Variants in GALNT18 observed in about 807,000 individuals in gnomAD.
The protein encoded by GALNT18 is GalNAc-transferase 18.
A neutral mutation model predicts 69.5 loss-of-function variants in GALNT18; 44 were observed. That is an observed-to-expected ratio of 0.63 (90% confidence interval 0.50 to 0.81). The LOEUF is 0.81. GALNT18 is among the 40% of genes least tolerant of loss of function. The pLI, the probability that GALNT18 is intolerant of heterozygous loss-of-function variation, is 0.00. For missense variants in GALNT18, 715 were observed against 810.0 expected, an observed-to-expected ratio of 0.88 and a Z score of 1.42; for synonymous variants, 364 against 318.2, an observed-to-expected ratio of 1.14 and a Z score of -1.53.
intron 3 of GALNT18, among the ~76,000 whole-genome samples, chr11:11,427,028 C>T (rs1365246890): frequency 6.6e-6 from 1 of 152,196 alleles, no homozygotes; most frequent in African/African-American, 2.4e-5. Context: ...GATCCTCCTG[C>T]CTTGGCCTAC....
rs891005232 is a variant in GALNT18, at chr11:11,603,309, C to T, written c.235+18050G>A. On this transcript the variant is annotated intron_variant, in intron 1 of 10. Coordinates refer to ENST00000227756, the MANE Select transcript of GALNT18 (RefSeq NM_198516.3). The surrounding 1 kb of genome is among the most constrained non-coding windows in gnomAD (Gnocchi z 4.5). ...AACACTGGCTCAGTTACCACCTCAGCGTTCAGAATCTAGAGAGTTTTCTAG... is the reference window on the plus strand; with the variant it reads ...AACACTGGCTCAGTTACCACCTCAGTGTTCAGAATCTAGAGAGTTTTCTAG... 5.9e-5 allele frequency among the ~76,000 whole-genome samples: 9 copies of T among 152,214 alleles called. No homozygotes were observed. Among genetic ancestry groups the T allele is most frequent in the Non-Finnish European group, 1.0e-4 (7 of 68,040 alleles).
chr11:11,427,984 C>G (rs1486095158), intron 3 of GALNT18, among the ~76,000 whole-genome samples: 1 of 152,198 alleles, frequency 6.6e-6, no homozygotes, highest in African/African-American at 2.4e-5. Context: ...GAAACCAAGT[C>G]CTAGAACATT....
At chr11:11,513,947 C>T (rs753467466) in intron 1 of GALNT18, among the ~76,000 whole-genome samples, 5 of 151,400 alleles carry the variant, frequency 3.3e-5, no homozygotes, top group Non-Finnish European at 7.4e-5. Context: ...GAAAATGGGG[C>T]AAACTACTGG....
At chr11:11,427,058 G>C (rs1855148572) in intron 3 of GALNT18, among the ~76,000 whole-genome samples, 1 of 152,208 alleles carries the variant, frequency 6.6e-6, no homozygotes, top group African/African-American at 2.4e-5. Context: ...GGGATTACAG[G>C]CATGAGCCAC....
In GALNT18 at chr11:11,347,576, G is replaced by A. The variant is rs1437769410; in HGVS notation, c.1093-6572C>T. On this transcript the variant is annotated intron_variant, in intron 6 of 10. Coordinates refer to ENST00000227756, the MANE Select transcript of GALNT18 (RefSeq NM_198516.3). The surrounding 1 kb of genome is among the most constrained non-coding windows in gnomAD (Gnocchi z 4.0). ...TTGTACTTCATAGCCACATCCACAA[G>A]ATCAGATCTCAGATACTGTGCAGCT... 6.6e-6 allele frequency among the ~76,000 whole-genome samples: 1 copy of A among 152,218 alleles called. No individual in the cohort carries two copies. Among genetic ancestry groups the A allele is most frequent in the Non-Finnish European group, 1.5e-5 (1 of 68,044 alleles).
intron 4 of GALNT18, among the ~76,000 whole-genome samples, chr11:11,378,572 A>G (rs1853831722): frequency 1.3e-5 from 2 of 152,228 alleles, no homozygotes; most frequent in South Asian, 4.1e-4. Context: ...CAGTTTCACC[A>G]TAGGGAGAAT....
At chr11:11,475,695 C>A (rs1285380358) in intron 1 of GALNT18, 1 of 152,212 alleles carries the variant, frequency 6.6e-6, no homozygotes, top group East Asian at 1.9e-4. Flanking sequence ...AGTTGTTGCA[C>A]CTGCCCAACT....
chr11:11,340,749 C>A lies in GALNT18; in HGVS notation c.1278+70G>T, dbSNP rs547946802. ...TGGCTGACCCATAGGAAGAAGGGTTCGGTCCCATATCTTGTTTTGTTTGTT... is the reference window on the plus strand; with the variant it reads ...TGGCTGACCCATAGGAAGAAGGGTTAGGTCCCATATCTTGTTTTGTTTGTT... On this transcript the variant is annotated intron_variant, in intron 7 of 10. Transcript: ENST00000227756. The surrounding 1 kb of genome is among the most constrained non-coding windows in gnomAD (Gnocchi z 4.2). 2.1e-6 allele frequency: 3 copies of A among 1,427,074 alleles called. No homozygotes were observed. Among genetic ancestry groups the A allele is most frequent in the African/African-American group, 1.4e-5 (1 of 69,934 alleles). 88.4% of individuals were successfully genotyped at this position (1,427,074 alleles called of 1,614,324 possible). A position where few individuals can be genotyped will look rare whatever the true frequency, so the allele number is the denominator to read the frequency against.
In GALNT18 at chr11:11,557,240, A is replaced by G. The variant is rs142763492; in HGVS notation, c.235+64119T>C. Among the ~76,000 whole-genome samples the G allele has an allele frequency of 3.5e-3, 535 of 152,270 alleles. 2 individuals carry two copies. Among genetic ancestry groups the G allele is most frequent in the African/African-American group, 0.012 (513 of 41,572 alleles). On this transcript the variant is annotated intron_variant, in intron 1 of 10. Transcript: ENST00000227756. ...TTTAATGTTTCAGTATTGGAGTTTTATGTTATATTCATTTTTAAATGGTTA... is the reference window on the plus strand; with the variant it reads ...TTTAATGTTTCAGTATTGGAGTTTTGTGTTATATTCATTTTTAAATGGTTA...
intron 1 of GALNT18, among the ~76,000 whole-genome samples, chr11:11,466,162 A>G (rs981652732): frequency 2.6e-5 from 4 of 152,250 alleles, no homozygotes; most frequent in Non-Finnish European, 5.9e-5. Flanking sequence ...ATATTCTATT[A>G]AGAAGGAATG....
At chr11:11,456,124 G>A (rs1408160239) in intron 1 of GALNT18, among the ~76,000 whole-genome samples, 1 of 151,898 alleles carries the variant, frequency 6.6e-6, no homozygotes. Flanking sequence ...ATTATTTGGG[G>A]TCCAACTGCA....
chr11:11,328,683 G>GC (rs1279197773), intron 8 of GALNT18, among the ~76,000 whole-genome samples: 5 of 152,282 alleles, frequency 3.3e-5, no homozygotes, highest in Admixed American at 1.3e-4. Context: ...CTCAGGCAGA[G>GC]CCCCCAGTAG....
rs560613461 is a variant in GALNT18 at position 11,383,225 on chromosome 11, C to A, written c.596-3961G>T. ...GCTCTCATTTCTTCAGACTTAGACG[C>A]CAAGGAAACACAGGGGATTCACCAG... On this transcript the variant is annotated intron_variant, in intron 3 of 10. Coordinates refer to ENST00000227756, the MANE Select transcript of GALNT18 (RefSeq NM_198516.3). This position sits in a 1 kb window ranked among gnomAD's most constrained non-coding sequence, Gnocchi z 5.2. 2.6e-5 allele frequency among the ~76,000 whole-genome samples: 4 copies of A among 152,272 alleles called. No homozygotes were observed. The highest frequency in any genetic ancestry group is 7.2e-5 in the African/African-American group (3 of 41,564).
chr11:11,618,240 G>A lies in GALNT18; in HGVS notation c.235+3119C>T, dbSNP rs1211243078. ...GACTTTCCTTCTAACAAAAAGAGGA[G>A]CCTGGACAAGACTCCAAAGCAAAAC... On this transcript the variant is annotated intron_variant, in intron 1 of 10. Transcript: ENST00000227756. This position sits in a 1 kb window ranked among gnomAD's most constrained non-coding sequence, Gnocchi z 6.1. Among the ~76,000 whole-genome samples, 2 of 152,176 alleles carry A rather than the reference G, an allele frequency of 1.3e-5. No homozygotes were observed. Among genetic ancestry groups the A allele is most frequent in the Non-Finnish European group, 2.9e-5 (2 of 68,036 alleles).
At chr11:11,487,240 G>A (rs7105992) in intron 1 of GALNT18, among the ~76,000 whole-genome samples, 109,945 of 151,774 alleles carry the variant, frequency 0.72, 40,163 homozygotes, top group East Asian at 0.85. Context: ...GAATGACACA[G>A]TGGACTTTGG....
Position 11,603,870 on chromosome 11 carries a change from T to C in GALNT18, c.235+17489A>G, listed in dbSNP as rs1177777610. ...GTGTAACCACTTGCCATGATCTAAATGTCTGTATCCCTTCCCCAAATCCAT... is the reference window on the plus strand; with the variant it reads ...GTGTAACCACTTGCCATGATCTAAACGTCTGTATCCCTTCCCCAAATCCAT... On this transcript the variant is annotated intron_variant, in intron 1 of 10. Transcript: ENST00000227756. The surrounding 1 kb of genome is among the most constrained non-coding windows in gnomAD (Gnocchi z 4.5). Among the ~76,000 whole-genome samples, 2 of 152,232 alleles carry C rather than the reference T, an allele frequency of 1.3e-5. No individual in the cohort carries two copies. The highest frequency in any genetic ancestry group is 2.9e-5 in the Non-Finnish European group (2 of 68,034).
chr11:11,562,913 C>G lies in GALNT18; in HGVS notation c.235+58446G>C, dbSNP rs551455544. Among the ~76,000 whole-genome samples the G allele has an allele frequency of 4.6e-4, 70 of 152,308 alleles. No individual in the cohort carries two copies. Among genetic ancestry groups the G allele is most frequent in the African/African-American group, 1.6e-3 (68 of 41,558 alleles). On this transcript the variant is annotated intron_variant, in intron 1 of 10. Coordinates refer to ENST00000227756, the MANE Select transcript of GALNT18 (RefSeq NM_198516.3). The surrounding 1 kb of genome is among the most constrained non-coding windows in gnomAD (Gnocchi z 4.1). Reference sequence around the variant, plus strand: ...CTTCCCATCACCCTGCCTCAGGCTTCATTCAGCACCCCCACAGCCCTCAAG... The same window carrying G: ...CTTCCCATCACCCTGCCTCAGGCTTGATTCAGCACCCCCACAGCCCTCAAG...
chr11:11,320,697 A>T lies in GALNT18; in HGVS notation c.1512+6389T>A, dbSNP rs1849827731. On this transcript the variant is annotated intron_variant, in intron 9 of 10. Transcript: ENST00000227756. This position sits in a 1 kb window ranked among gnomAD's most constrained non-coding sequence, Gnocchi z 4.9. Reference sequence around the variant, plus strand: ...GCCAGACAGCAGCCCCTTACCTTTCACTCATCCCCTGCCCCTGCGTTCATC... The same window carrying T: ...GCCAGACAGCAGCCCCTTACCTTTCTCTCATCCCCTGCCCCTGCGTTCATC... 6.6e-6 allele frequency among the ~76,000 whole-genome samples: 1 copy of T among 151,550 alleles called. No individual in the cohort carries two copies. Among genetic ancestry groups the T allele is most frequent in the Non-Finnish European group, 1.5e-5 (1 of 67,892 alleles).
intron 1 of GALNT18, among the ~76,000 whole-genome samples, chr11:11,594,848 T>TATATACAC (rs1488821833): frequency 0.012 from 1,409 of 114,162 alleles, 14 homozygotes; most frequent in Middle Eastern, 0.028. Context: ...TATACACATA[T>TATATACAC]ACATACATAC....
Sources: allele counts gnomAD v4.1 joint callset (sites outside exome capture counted in the v4.1 genomes callset), GRCh38; gene constraint gnomAD v4.1.1; non-coding constraint Gnocchi (gnomAD v3.1); transcripts MANE v1.5; gene names NCBI Gene and HGNC (gene_info 2026-07-23, HGNC 2026-07-21).